Variants in SORCS2 observed in about 807,000 individuals in gnomAD.
SORCS2 encodes the protein sortilin related VPS10 domain containing receptor 2, also known as VPS10 domain-containing receptor SorCS2.
SORCS2 carries 100 observed loss-of-function variants against 141.6 expected under a neutral mutation model. The ratio of observed to expected loss-of-function variants is 0.71; its 90% CI spans 0.60 to 0.83. The LOEUF is 0.83. SORCS2 is among the 40% of genes least tolerant of loss of function. The pLI is 0.00. For synonymous variants in SORCS2, 789 were observed against 676.9 expected (o/e 1.17, Z -2.57); for missense variants, 1,646 against 1,560.2 (o/e 1.05, Z -0.93).
chr4:7,301,841 C>A, intron 1 of SORCS2, among the ~76,000 whole-genome samples: 1 of 152,358 alleles, frequency 6.6e-6, no homozygotes, highest in Middle Eastern at 3.4e-3. Flanking sequence ...ACGGGGTTAA[C>A]ACTAAGGTTC....
At chr4:7,467,819 G>C (rs1207938469) in intron 2 of SORCS2, among the ~76,000 whole-genome samples, 1 of 152,236 alleles carries the variant, frequency 6.6e-6, no homozygotes, top group Non-Finnish European at 1.5e-5. Flanking sequence ...CCGCACAAGG[G>C]TTCCTCTGCA....
intron 2 of SORCS2, chr4:7,434,724 G>A (rs372315098): frequency 1.3e-4 from 207 of 1,612,968 alleles, no homozygotes; most frequent in Admixed American, 1.8e-4. Context: ...TGTTCCATAC[G>A]GCCCCTTGGC....
intron 2 of SORCS2, among the ~76,000 whole-genome samples, chr4:7,444,601 G>A (rs1727875096): frequency 1.3e-5 from 2 of 152,216 alleles, no homozygotes; most frequent in Non-Finnish European, 2.9e-5. Flanking sequence ...GGATCATGTA[G>A]GTGGACTCTG....
rs182119035 is a variant in SORCS2, at chr4:7,713,484, G to T, written c.1989+631G>T. Among the ~76,000 whole-genome samples, 263 of 152,300 alleles carry T rather than the reference G, an allele frequency of 1.7e-3. 3 individuals carry two copies. The highest frequency in any genetic ancestry group is 6.1e-3 in the African/African-American group (253 of 41,544). On this transcript the variant is annotated intron_variant, in intron 15 of 26. Coordinates refer to ENST00000507866, the MANE Select transcript of SORCS2 (RefSeq NM_020777.3). ...GAAGACTTTACTCAAGACCATCACG[G>T]TGGGTACAGGGACCCTCTCAAAGGA...
chr4:7,374,305 T>C (rs1722489465), intron 1 of SORCS2, among the ~76,000 whole-genome samples: 1 of 151,874 alleles, frequency 6.6e-6, no homozygotes, highest in Non-Finnish European at 1.5e-5. Flanking sequence ...AGGGACTGAG[T>C]TGGCCCAGCA....
intron 5 of SORCS2, among the ~76,000 whole-genome samples, chr4:7,657,428 G>A (rs1369161279): frequency 2.0e-5 from 3 of 151,962 alleles, no homozygotes; most frequent in Non-Finnish European, 1.5e-5. Context: ...GAATGAACGA[G>A]TGAATGACTG....
chr4:7,399,741 A>G (rs6830500), intron 2 of SORCS2, among the ~76,000 whole-genome samples: 67,718 of 152,044 alleles, frequency 0.45, 17,327 homozygotes, highest in Non-Finnish European at 0.59. Context: ...AGCAAAGCCC[A>G]ATGTGTAGAC....
intron 2 of SORCS2, among the ~76,000 whole-genome samples, chr4:7,411,404 C>G (rs761001958): frequency 6.6e-6 from 1 of 152,102 alleles, no homozygotes; most frequent in Non-Finnish European, 1.5e-5. Context: ...CCCTTGCTCC[C>G]CCTTTCCCAT....
intron 18 of SORCS2, among the ~76,000 whole-genome samples, chr4:7,719,458 G>A (rs1470280884): frequency 6.6e-6 from 1 of 152,238 alleles, no homozygotes; most frequent in African/African-American, 2.4e-5. Context: ...ACGGGAATGA[G>A]TGGCAGGGCT....
chr4:7,332,309 C>T (rs558184159), intron 1 of SORCS2, among the ~76,000 whole-genome samples: 1 of 152,314 alleles, frequency 6.6e-6, no homozygotes, highest in South Asian at 2.1e-4. Flanking sequence ...CAGGCTCTGT[C>T]CACGTCTCAG....
At chr4:7,305,795 C>T (rs573241646) in intron 1 of SORCS2, among the ~76,000 whole-genome samples, 66 of 152,290 alleles carry the variant, frequency 4.3e-4, no homozygotes, top group Middle Eastern at 3.4e-3. Context: ...GGGCTGGGCC[C>T]GGGCACGCCC....
intron 2 of SORCS2, among the ~76,000 whole-genome samples, chr4:7,527,047 C>T (rs995132548): frequency 1.3e-5 from 2 of 152,220 alleles, no homozygotes; most frequent in South Asian, 2.1e-4. Flanking sequence ...GGCGGCCCTG[C>T]GGGTCAGTGG....
rs1360974149 is a variant in SORCS2 at position 7,201,163 on chromosome 4, T to A, written c.480+8037T>A. ...GTGAAGATGGAGCTGCTCTGCAGGA[T>A]GAGTAGAGTCCCGGGCTGAGGAGGA... is the stretch of plus-strand genomic sequence containing the variant. On this transcript the variant is annotated intron_variant, in intron 1 of 26. Coordinates refer to ENST00000507866, the MANE Select transcript of SORCS2 (RefSeq NM_020777.3). The surrounding 1 kb of genome is among the most constrained non-coding windows in gnomAD (Gnocchi z 4.4). Among the ~76,000 whole-genome samples, 3 of 152,090 alleles carry A rather than the reference T, an allele frequency of 2.0e-5. No homozygotes were observed. Among genetic ancestry groups the A allele is most frequent in the Non-Finnish European group, 4.4e-5 (3 of 68,016 alleles).
chr4:7,698,544 C>T (rs1337689977), intron 12 of SORCS2, among the ~76,000 whole-genome samples: 2 of 152,178 alleles, frequency 1.3e-5, no homozygotes, highest in South Asian at 4.1e-4. Flanking sequence ...AGAAGATTCC[C>T]CCGTATTAGA....
At chr4:7,526,618 C>T (rs182468970) in intron 2 of SORCS2, among the ~76,000 whole-genome samples, 40 of 152,276 alleles carry the variant, frequency 2.6e-4, no homozygotes, top group Non-Finnish European at 5.0e-4. Flanking sequence ...GGTGCCCAGA[C>T]CCATAGAGTT....
At chr4:7,390,477 A>T (rs1252763990) in intron 1 of SORCS2, among the ~76,000 whole-genome samples, 5 of 152,184 alleles carry the variant, frequency 3.3e-5, no homozygotes, top group African/African-American at 1.2e-4. Context: ...GTAAAGACGA[A>T]GCTTGGGGGA....
chr4:7,332,358 G>C (rs971849107), intron 1 of SORCS2, among the ~76,000 whole-genome samples: 1 of 152,212 alleles, frequency 6.6e-6, no homozygotes, highest in South Asian at 2.1e-4. Context: ...GACCACAGAG[G>C]CACCCGCAGC....
Position 7,689,548 on chromosome 4 carries a change from G to A in SORCS2, c.1551G>A (p.Val517=). ...WADNPYVSGT[V]HTKDTAPGLI... ...ACAACCCCTACGTATCAGGCACCGT[G>A]CACACCAAGGACACCGCCCCAGGCC... Residue 517 remains valine (V), a synonymous_variant, in exon 11 of 27, where the codon GTG becomes GTA. Coordinates refer to ENST00000507866, the MANE Select transcript of SORCS2 (RefSeq NM_020777.3). The A allele has an allele frequency of 6.2e-7, 1 of 1,606,488 alleles. No homozygotes were observed.
At position 7,253,567 on chromosome 4, in the gene SORCS2, G is replaced by A. The variant is rs537042156; in HGVS notation, c.480+60441G>A. ...CCGGGGCGGAGGAGGTGTCCAGGGG[G>A]CAGGTGGCCAGGGCGCCCCCAGCTC... On this transcript the variant is annotated intron_variant, in intron 1 of 26. Transcript: ENST00000507866. Among the ~76,000 whole-genome samples the A allele has an allele frequency of 2.6e-5, 4 of 152,336 alleles. No homozygotes were observed. The South Asian group carries it at 8.3e-4, about 32-fold the overall frequency.
Sources: allele counts gnomAD v4.1 joint callset (sites outside exome capture counted in the v4.1 genomes callset), GRCh38; gene constraint gnomAD v4.1.1; non-coding constraint Gnocchi (gnomAD v3.1); transcripts MANE v1.5; gene names NCBI Gene and HGNC (gene_info 2026-07-23, HGNC 2026-07-21).